Variants in ARMC9 observed in about 807,000 individuals in gnomAD.
ARMC9 encodes armadillo repeat containing 9.
In ARMC9, 94 loss-of-function variants were observed where a neutral mutation model predicts 107.0. The observed-to-expected ratio is 0.88, with a 90% CI of 0.74 to 1.04. The LOEUF is 1.04. Among genes scored for constraint, ARMC9 ranks in the 50% least tolerant of loss-of-function variants. ARMC9 has a pLI of 0.00. For synonymous variants in ARMC9, 380 were observed against 396.9 expected (o/e 0.96, Z 0.51); for missense variants, 942 against 1,030.1 (o/e 0.91, Z 1.17).
chr2:231,206,152 T>C, intron 1 of ARMC9, 46 bp from the exon 2 acceptor site: 2 of 1,168,990 alleles, frequency 1.7e-6, no homozygotes, highest in Non-Finnish European at 2.6e-6. Flanking sequence ...TGTAGTTTCA[T>C]AGGTGGTTGA....
At chr2:231,281,113 G>C (rs1233349566) in intron 16 of ARMC9, among the ~76,000 whole-genome samples, 1 of 151,614 alleles carries the variant, frequency 6.6e-6, no homozygotes, top group Non-Finnish European at 1.5e-5. Flanking sequence ...CATGGGTCCT[G>C]TCTTCAAAAA....
rs191166664 is a variant in ARMC9, at chr2:231,259,529, A to G, written c.1026+427A>G. Among the ~76,000 whole-genome samples, 44 of 152,342 alleles carry G rather than the reference A, an allele frequency of 2.9e-4. No individual in the cohort carries two copies. In the East Asian group the frequency reaches 7.9e-3, roughly 27 times the overall value. ...GCCTAAGGAAAGTGTCCTGGTCCCC[A>G]TCGCTACTTTTCTGCCTGGTCTTCA... On this transcript the variant is annotated intron_variant, in intron 11 of 24. Coordinates refer to ENST00000611582, the MANE Select transcript of ARMC9 (RefSeq NM_001352754.2).
chr2:231,201,889 G>A (rs1446607028), intron 1 of ARMC9, among the ~76,000 whole-genome samples: 2 of 152,148 alleles, frequency 1.3e-5, no homozygotes, highest in Non-Finnish European at 2.9e-5. Flanking sequence ...CAGCAACCCT[G>A]CCATGTTGCT....
chr2:231,355,392 C>T (rs186198430), intron 21 of ARMC9, among the ~76,000 whole-genome samples: 79 of 152,332 alleles, frequency 5.2e-4, no homozygotes, highest in Admixed American at 1.5e-3. Flanking sequence ...ACACTTGCCA[C>T]GGCTGACATG....
At chr2:231,227,402 C>T (rs2034750916) in intron 7 of ARMC9, among the ~76,000 whole-genome samples, 2 of 152,302 alleles carry the variant, frequency 1.3e-5, no homozygotes, top group Non-Finnish European at 2.9e-5. Flanking sequence ...TTTGATACTA[C>T]GTTTTGACAG....
chr2:231,265,166 T>A (rs1035774562), intron 12 of ARMC9, among the ~76,000 whole-genome samples: 1 of 151,964 alleles, frequency 6.6e-6, no homozygotes, highest in Admixed American at 6.6e-5. Flanking sequence ...CAATGTAAAT[T>A]AGTACAACCA....
At position 231,262,338 on chromosome 2, in the gene ARMC9, G is replaced by A. The variant is rs767561060; in HGVS notation, c.1059G>A (p.Arg353=). 3.7e-6 allele frequency: 6 copies of A among 1,614,152 alleles called. No homozygotes were observed. The highest frequency in any genetic ancestry group is 5.1e-6 in the Non-Finnish European group (6 of 1,180,034). The change falls in exon 12 of 25, where the codon AGG becomes AGA. Residue 353 remains arginine, a synonymous_variant. Coordinates refer to ENST00000611582, the MANE Select transcript of ARMC9 (RefSeq NM_001352754.2). ...CCACATCCCATCCTGGAGAGCAGAG[G>A]GAGACCGTTCTGCAAGCCTACATCA... ...RLTTSHPGEQ[R]ETVLQAYISN...
chr2:231,370,468 C>T, intron 24 of ARMC9: 1 of 222,782 alleles, frequency 4.5e-6, no homozygotes, highest in East Asian at 9.4e-5. Context: ...GCTGGCCCTG[C>T]TGCCCCGGGG....
chr2:231,323,391 C>T (rs962776374), intron 19 of ARMC9, among the ~76,000 whole-genome samples: 14 of 152,224 alleles, frequency 9.2e-5, no homozygotes, highest in East Asian at 3.8e-4. Flanking sequence ...TATCAGCAAG[C>T]TTCATTGCTG....
chr2:231,250,610 G>A (rs2037211890), intron 9 of ARMC9, among the ~76,000 whole-genome samples: 1 of 152,190 alleles, frequency 6.6e-6, no homozygotes, highest in Non-Finnish European at 1.5e-5. Flanking sequence ...TGAGAGCATG[G>A]AAGGCCAGGG....
Position 231,288,169 on chromosome 2 carries a change from CTAT to C in ARMC9, c.1627-3171_1627-3169del, listed in dbSNP as rs1010878676. Among the ~76,000 whole-genome samples, 142 of 151,952 alleles carry C rather than the reference CTAT, an allele frequency of 9.3e-4. 1 individual carries two copies. Among genetic ancestry groups the C allele is most frequent in the African/African-American group, 3.2e-3 (132 of 41,442 alleles). On this transcript the variant is annotated intron_variant, in intron 17 of 24. Transcript: ENST00000611582. ...GCAGTAAGCATTGAGATGTTAGCTG[CTAT>C]TATTATTATTATAGCTATGAAAATG...
At chr2:231,291,518 T>C in intron 18 of ARMC9, 75 bp downstream of exon 18, 1 of 1,470,086 alleles carries the variant, frequency 6.8e-7, no homozygotes, top group East Asian at 2.3e-5. Context: ...TGGCATTTCA[T>C]TCAAGAGGCC....
intron 20 of ARMC9, 21 bp downstream of exon 20, chr2:231,331,918 G>A (rs1416881310): frequency 6.3e-7 from 1 of 1,587,938 alleles, no homozygotes; most frequent in East Asian, 2.2e-5. Flanking sequence ...CACAAAGGGT[G>A]GGGATCCTGA....
At chr2:231,251,310 G>C (rs2037278255) in intron 9 of ARMC9, among the ~76,000 whole-genome samples, 1 of 152,060 alleles carries the variant, frequency 6.6e-6, no homozygotes, top group Non-Finnish European at 1.5e-5. Flanking sequence ...GGGACTACAG[G>C]TGCCCGCCAC....
chr2:231,201,373 C>CTCCA (rs1352535050), intron 1 of ARMC9, among the ~76,000 whole-genome samples: 173 of 152,382 alleles, frequency 1.1e-3, no homozygotes, highest in African/African-American at 3.8e-3. Flanking sequence ...GAGCCTCCAG[C>CTCCA]ACCCGGCTGG....
intron 19 of ARMC9, among the ~76,000 whole-genome samples, chr2:231,308,347 C>T (rs2042148436): frequency 6.6e-6 from 1 of 152,152 alleles, no homozygotes; most frequent in South Asian, 2.1e-4. Flanking sequence ...AGAAACTTGT[C>T]TAGGGTCCCA....
chr2:231,354,442 C>T (rs1253915736), intron 21 of ARMC9, among the ~76,000 whole-genome samples: 1 of 141,510 alleles, frequency 7.1e-6, no homozygotes. Context: ...AGTGCAATGG[C>T]GCAATCTTGG....
intron 12 of ARMC9, among the ~76,000 whole-genome samples, chr2:231,266,805 C>T (rs1250670465): frequency 6.6e-6 from 1 of 152,226 alleles, no homozygotes; most frequent in African/African-American, 2.4e-5. Context: ...GCTAACATTT[C>T]ATCATATGGG....
intron 19 of ARMC9, among the ~76,000 whole-genome samples, chr2:231,301,703 G>T (rs1174605653): frequency 2.6e-5 from 4 of 152,084 alleles, no homozygotes; most frequent in Non-Finnish European, 5.9e-5. Flanking sequence ...ATTGAGGCGG[G>T]ATGTGGTGGC....
Sources: gnomAD v4.1 joint callset for allele counts (sites outside exome capture counted in the v4.1 genomes callset) on GRCh38, gnomAD v4.1.1 for gene constraint, MANE v1.5 for transcripts, NCBI Gene and HGNC (gene_info 2026-07-23, HGNC 2026-07-21) for gene names.